The following TUBGCP6 variants were observed in gnomAD, a reference collection of about 807,000 sequenced individuals.
TUBGCP6 encodes gamma-tubulin complex component 6.
TUBGCP6 carries 161 observed loss-of-function variants against 175.8 expected under a neutral mutation model. The observed-to-expected ratio is 0.92, with a 90% confidence interval of 0.81 to 1.04. TUBGCP6 has a LOEUF of 1.04. TUBGCP6 is among the 50% of genes least tolerant of loss of function. The pLI, the probability that TUBGCP6 is intolerant of heterozygous loss-of-function variation, is 0.00. For synonymous variants in TUBGCP6, 1,173 were observed against 1,030.5 expected (o/e 1.14, Z -2.65); for missense variants, 2,572 against 2,433.0 (o/e 1.06, Z -1.20).
chr22:50,219,739 G>T lies in TUBGCP6; in HGVS notation c.4220C>A (p.Ser1407Ter). ...SPGRGEEAEA[S>*]AAEAQGGEQA... The stretch of plus-strand genomic sequence containing the variant: ...CTCCCCACCCTGAGCCTCCGCCGCC[G>T]ATGCCTCCGCCTCCTCACCACGGCC... Residue 1407 changes from serine to a stop codon, truncating the protein, a stop_gained, in exon 18 of 25, where the codon TCG (serine) becomes TAG (stop). Coordinates refer to ENST00000248846, the MANE Select transcript of TUBGCP6 (RefSeq NM_020461.4). LOFTEE classifies it high-confidence loss of function. 1 of 1,613,766 alleles carries T rather than the reference G, an allele frequency of 6.2e-7. No homozygotes were observed. Among genetic ancestry groups the T allele is most frequent in the South Asian group, 1.1e-5 (1 of 91,084 alleles).
chr22:50,219,254 G>A (rs1335121921), intron 19 of TUBGCP6, 34 bp downstream of exon 19: 10 of 1,610,508 alleles, frequency 6.2e-6, no homozygotes, highest in Non-Finnish European at 8.5e-6. Context: ...GACGGGCTGG[G>A]TGGGCAGACT....
At position 50,219,005 on chromosome 22, in the gene TUBGCP6, C is replaced by T. The variant is rs1602504074; in HGVS notation, c.4626+63G>A. The T allele has an allele frequency of 2.1e-5, 34 of 1,600,346 alleles. No homozygotes were observed. The South Asian group carries it at 3.8e-4, about 18-fold the overall frequency. On this transcript the variant is annotated intron_variant, in intron 20 of 24. Coordinates refer to ENST00000248846, the MANE Select transcript of TUBGCP6 (RefSeq NM_020461.4). ...GCAGCAGGGGGCTGTGGGCGTGCAG[C>T]CAGTCTCTCTTTTCCCACGGCCTCC...
At chr22:50,241,306 T>A (rs1459719573) in intron 1 of TUBGCP6, among the ~76,000 whole-genome samples, 2 of 151,916 alleles carry the variant, frequency 1.3e-5, no homozygotes, top group Non-Finnish European at 2.9e-5. Context: ...CTAGTGGTAA[T>A]GGCAGCACCT....
chr22:50,230,714 G>A (rs1438570340), intron 3 of TUBGCP6, among the ~76,000 whole-genome samples: 3 of 151,574 alleles, frequency 2.0e-5, no homozygotes, highest in Admixed American at 1.3e-4. Flanking sequence ...AGGAAGTTGA[G>A]GCTGCAGTGA....
chr22:50,242,208 C>G (rs547135340), intron 1 of TUBGCP6, among the ~76,000 whole-genome samples: 1 of 151,822 alleles, frequency 6.6e-6, no homozygotes, highest in African/African-American at 2.4e-5. Context: ...GGGAGAATGG[C>G]GTGAACCTGG....
rs780958945 is a variant in TUBGCP6 at position 50,221,053 on chromosome 22, T to C, written c.3306A>G (p.Pro1102=). ...ACACATGTCCATGGATGTTCCACCGTGGCCGAGTGGGAGCCACATCTGACA... is the reference window on the plus strand; with the variant it reads ...ACACATGTCCATGGATGTTCCACCGCGGCCGAGTGGGAGCCACATCTGACA... The part of the protein sequence containing the change: ...ESVSDVAPTR[P]RWNIHGHVSN... Residue 1102 remains proline, a synonymous_variant, in exon 16 of 25, where the codon CCA becomes CCG. Transcript: ENST00000248846. 9.9e-6 allele frequency: 16 copies of C among 1,612,606 alleles called. No individual in the cohort carries two copies. The South Asian group carries it at 1.6e-4, about 17-fold the overall frequency.
chr22:50,222,241 G>C (rs533330471), intron 14 of TUBGCP6, 139 bp from the exon 15 acceptor site: 1 of 1,153,690 alleles, frequency 8.7e-7, no homozygotes, highest in East Asian at 2.4e-5. Context: ...CCAGTGGGAC[G>C]CTGGGCCTGC....
At chr22:50,236,378 G>A (rs56075714) in intron 2 of TUBGCP6, among the ~76,000 whole-genome samples, 14 of 152,074 alleles carry the variant, frequency 9.2e-5, no homozygotes, top group African/African-American at 2.7e-4. Flanking sequence ...CTCGTGATCC[G>A]CCCACCTCAG....
rs373853350 is a variant in TUBGCP6, at chr22:50,218,468, G to A, written c.4954+20C>T. ...CCTCCAGCCAGGGGTGCGGGGCGCC[G>A]GGCTCCAGCGGGGCCTCACCTGTGC... On this transcript the variant is annotated intron_variant, in intron 22 of 24. Transcript: ENST00000248846. The A allele has an allele frequency of 6.0e-5, 96 of 1,613,100 alleles. No homozygotes were observed. Among genetic ancestry groups the A allele is most frequent in the African/African-American group, 2.4e-4 (18 of 75,024 alleles).
At chr22:50,238,718 T>C (rs1011535103) in intron 2 of TUBGCP6, among the ~76,000 whole-genome samples, 2 of 151,860 alleles carry the variant, frequency 1.3e-5, no homozygotes, top group Non-Finnish European at 2.9e-5. Flanking sequence ...TTTGTATTTT[T>C]AGTAGAGACG....
At chr22:50,218,925 A>G (rs748883647) in intron 20 of TUBGCP6, 28 bp from the exon 21 acceptor site, 1 of 1,597,656 alleles carries the variant, frequency 6.3e-7, no homozygotes, top group Non-Finnish European at 8.5e-7. Flanking sequence ...CACCGTCCCC[A>G]GGAGTCCCAA....
At position 50,219,653 on chromosome 22, in the gene TUBGCP6, C is replaced by T. The variant is rs145518427; in HGVS notation, c.4306G>A (p.Glu1436Lys). 148 of 1,613,480 alleles carry T rather than the reference C, an allele frequency of 9.2e-5. No individual in the cohort carries two copies. The highest frequency in any genetic ancestry group is 1.5e-4 in the African/African-American group (11 of 75,062). ...CAACTGCTGCACTCACACATGGACTCGTAACTGTCCGGGTACCGCTCCAAG... is the reference window on the plus strand; with the variant it reads ...CAACTGCTGCACTCACACATGGACTTGTAACTGTCCGGGTACCGCTCCAAG... ...YHLERYPDSY[E>K]SMSEPPIAHL... Residue 1436 changes from glutamate (E) to lysine (K), a missense_variant, in exon 18 of 25, where the codon GAG becomes AAG. Glu to Lys is a moderately conservative substitution (Grantham distance 56). Transcript: ENST00000248846.
rs768366546 is a variant in TUBGCP6, at chr22:50,217,808, G to C, written c.5388C>G (p.Asn1796Lys). 1 of 1,613,820 alleles carries C rather than the reference G, an allele frequency of 6.2e-7. No homozygotes were observed. Among genetic ancestry groups the C allele is most frequent in the Admixed American group, 1.7e-5 (1 of 59,994 alleles). ...FLFKVVTKLV[N>K]RGYQPHLEDF... ...CCTCCAGGTGGGGCTGGTAGCCGCG[G>C]TTCACCAGCTTGGTCACCACTGGGG... is the stretch of plus-strand genomic sequence containing the variant. The change falls in exon 25 of 25, where the codon AAC becomes AAG. Residue 1796 changes from asparagine (N) to lysine (K), a missense_variant. By Grantham distance (94) the Asn-to-Lys change is moderately conservative. Transcript: ENST00000248846.
At chr22:50,243,599 C>T in intron 1 of TUBGCP6, 120 bp downstream of exon 1, 2 of 1,015,946 alleles carry the variant, frequency 2.0e-6, no homozygotes, top group South Asian at 1.8e-5. Context: ...GCCTGGGTGA[C>T]AGAGTGAGAC....
At chr22:50,229,379 G>A in intron 4 of TUBGCP6, 25 bp downstream of exon 4, 2 of 1,608,650 alleles carry the variant, frequency 1.2e-6, no homozygotes, top group Non-Finnish European at 1.7e-6. Context: ...AAAGGTGTGT[G>A]ACAACCATGA....
chr22:50,228,532 G>A (rs1481837419), intron 4 of TUBGCP6, among the ~76,000 whole-genome samples: 1 of 152,138 alleles, frequency 6.6e-6, no homozygotes. Flanking sequence ...ACTAAGACAG[G>A]GGCACCCTGG....
rs1266768961 is a variant in TUBGCP6 at position 50,244,278 on chromosome 22, A to G, written c.182T>C (p.Met61Thr). 2 of 1,613,648 alleles carry G rather than the reference A, an allele frequency of 1.2e-6. No homozygotes were observed. Among genetic ancestry groups the G allele is most frequent in the Non-Finnish European group, 1.7e-6 (2 of 1,180,036 alleles). Residue 61 changes from methionine to threonine, a missense_variant, in exon 1 of 25, where the codon ATG becomes ACG. Physicochemically the swap from Met to Thr is moderately conservative, Grantham distance 81. Coordinates refer to ENST00000248846, the MANE Select transcript of TUBGCP6 (RefSeq NM_020461.4). Reference protein sequence around the residue: ...QDETQQLQPDMSKLPARNKIL... With the variant: ...QDETQQLQPDTSKLPARNKIL... ...CTTGTTTCTCGCTGGTAGTTTTGAC[A>G]TGTCAGGCTGCAGCTGTTGAGTCTC...
chr22:50,223,878 G>C, intron 13 of TUBGCP6: 1 of 316,558 alleles, frequency 3.2e-6, no homozygotes, highest in East Asian at 5.4e-5. Context: ...GATAAATAAA[G>C]AGACAGGACC....
intron 4 of TUBGCP6, 118 bp from the exon 5 acceptor site, chr22:50,228,146 C>T (rs1018510545): frequency 9.7e-6 from 12 of 1,242,590 alleles, no homozygotes; most frequent in Non-Finnish European, 1.3e-5. Flanking sequence ...CTCTGGGCTC[C>T]ATTTCCAAGC....
Sources: allele counts gnomAD v4.1 joint callset (sites outside exome capture counted in the v4.1 genomes callset), GRCh38; gene constraint gnomAD v4.1.1; transcripts MANE v1.5; gene names NCBI Gene and HGNC (gene_info 2026-07-23, HGNC 2026-07-21).